CFAP77: variants seen among roughly 807,000 people sequenced by gnomAD.
CFAP77 encodes cilia- and flagella-associated protein 77.
A neutral mutation model predicts 31.1 loss-of-function variants in CFAP77; 25 were observed. That is an observed-to-expected ratio of 0.80 (90% CI 0.59 to 1.12). CFAP77 has a LOEUF of 1.12. Ranked by LOEUF, CFAP77 falls within the 50% of genes most tolerant of loss-of-function variation. CFAP77 has a pLI of 0.00. For synonymous variants in CFAP77, 151 were observed against 159.9 expected (o/e 0.94, Z 0.42); for missense variants, 377 against 397.3 (o/e 0.95, Z 0.44).
At chr9:132,422,432 C>A (rs1459432128) in intron 1 of CFAP77, among the ~76,000 whole-genome samples, 3 of 152,214 alleles carry the variant, frequency 2.0e-5, no homozygotes, top group African/African-American at 7.2e-5. Flanking sequence ...CTGGAAGATA[C>A]CACGGATGCT....
chr9:132,423,620 C>T (rs557258590), intron 1 of CFAP77, among the ~76,000 whole-genome samples: 1 of 152,348 alleles, frequency 6.6e-6, no homozygotes, highest in East Asian at 1.9e-4. Context: ...CATCCCAAAG[C>T]CTGAGGTCGT....
intron 1 of CFAP77, among the ~76,000 whole-genome samples, chr9:132,422,609 G>C (rs1850237546): frequency 6.6e-6 from 1 of 152,192 alleles, no homozygotes; most frequent in Non-Finnish European, 1.5e-5. Flanking sequence ...TGGAGCTTTG[G>C]GGAAAGAGGG....
chr9:132,446,371 C>A lies in CFAP77; in HGVS notation c.195+35905C>A, dbSNP rs559866941. On this transcript the variant is annotated intron_variant, in intron 1 of 5. Transcript: ENST00000393216. Reference sequence around the variant, plus strand: ...TGGTTTCTGTTTTCACCGAGAACACCAGCTCGAATGAAGCCCCGATAGATC... The same window carrying A: ...TGGTTTCTGTTTTCACCGAGAACACAAGCTCGAATGAAGCCCCGATAGATC... 1.6e-4 allele frequency among the ~76,000 whole-genome samples: 25 copies of A among 152,044 alleles called. 1 individual carries two copies. In the South Asian group the frequency reaches 4.8e-3, roughly 29 times the overall value.
intron 1 of CFAP77, among the ~76,000 whole-genome samples, chr9:132,431,856 G>A (rs143735565): frequency 1.6e-3 from 244 of 152,282 alleles, no homozygotes; most frequent in Non-Finnish European, 2.9e-3. Context: ...CACCAACCTA[G>A]TACATCTCAG....
At chr9:132,571,092 T>G (rs1460626240) in intron 5 of CFAP77, among the ~76,000 whole-genome samples, 1 of 152,110 alleles carries the variant, frequency 6.6e-6, no homozygotes, top group Admixed American at 6.5e-5. Context: ...CACCCTAACC[T>G]GCAGCGCCGT....
chr9:132,452,055 G>A (rs57456742), intron 1 of CFAP77, among the ~76,000 whole-genome samples: 2,655 of 152,114 alleles, frequency 0.017, 77 homozygotes, highest in African/African-American at 0.06. Context: ...TGCCTGTCTC[G>A]GTCTCCCAAA....
At chr9:132,540,880 T>A (rs1852628880) in intron 4 of CFAP77, among the ~76,000 whole-genome samples, 1 of 152,170 alleles carries the variant, frequency 6.6e-6, no homozygotes, top group Non-Finnish European at 1.5e-5. Context: ...CCTTTTTCAG[T>A]ATGCCAAGGG....
At chr9:132,493,878 C>T (rs557740013) in intron 1 of CFAP77, among the ~76,000 whole-genome samples, 74 of 149,910 alleles carry the variant, frequency 4.9e-4, no homozygotes, top group Non-Finnish European at 8.8e-4. Flanking sequence ...TCTTTTCTTT[C>T]CTTTTCTTTT....
At chr9:132,525,617 CATGTGTGT>C (rs889847522) in intron 3 of CFAP77, among the ~76,000 whole-genome samples, 1 of 152,112 alleles carries the variant, frequency 6.6e-6, no homozygotes, top group Non-Finnish European at 1.5e-5. Context: ...TGCATGTGGG[CATGTGTGT>C]ATGTGTGTGT....
chr9:132,427,070 T>C (rs1225458036), intron 1 of CFAP77, among the ~76,000 whole-genome samples: 2 of 152,198 alleles, frequency 1.3e-5, no homozygotes, highest in African/African-American at 4.8e-5. Context: ...AATTTATCCA[T>C]ATAAGAAGCC....
Position 132,480,153 on chromosome 9 carries a change from G to A in CFAP77, c.196-18542G>A, listed in dbSNP as rs1359961706. On this transcript the variant is annotated intron_variant, in intron 1 of 5. Transcript: ENST00000393216. The surrounding 1 kb of genome is among the most constrained non-coding windows in gnomAD (Gnocchi z 5.8). ...AAGAGGAGAGGGGGCCTCCTCGGCT[G>A]CTCTCCTGGACCGCCCTCCCCAGGA... Among the ~76,000 whole-genome samples, 2 of 152,128 alleles carry A rather than the reference G, an allele frequency of 1.3e-5. No individual in the cohort carries two copies. The highest frequency in any genetic ancestry group is 2.9e-5 in the Non-Finnish European group (2 of 68,006).
chr9:132,441,842 A>C (rs1850620299), intron 1 of CFAP77, among the ~76,000 whole-genome samples: 1 of 152,214 alleles, frequency 6.6e-6, no homozygotes, highest in Non-Finnish European at 1.5e-5. Context: ...TGCAGCGTCC[A>C]CAGCCCTGGG....
rs750312944 is a variant in CFAP77 at position 132,501,402 on chromosome 9, C to CTT, written c.524+1816_524+1817dup. Among the ~76,000 whole-genome samples, 24 of 141,988 alleles carry CTT rather than the reference C, an allele frequency of 1.7e-4. No individual in the cohort carries two copies. The highest frequency in any genetic ancestry group is 3.6e-3 in the Middle Eastern group (1 of 278). The allele number at this position is 141,988 out of a possible 152,430, so 93.1% of individuals were successfully genotyped here. ...CCAGCTCAGGTTACATGACTATCTT[C>CTT]TTTTTTTTTTTTTTTGGACAGTGTC... On this transcript the variant is annotated intron_variant, in intron 3 of 5. Coordinates refer to ENST00000393216, the MANE Select transcript of CFAP77 (RefSeq NM_001282957.2). This position sits in a 1 kb window ranked among gnomAD's most constrained non-coding sequence, Gnocchi z 4.6.
chr9:132,565,099 G>A lies in CFAP77; in HGVS notation c.733-7289G>A, dbSNP rs148202716. Among the ~76,000 whole-genome samples the A allele has an allele frequency of 3.8e-3, 571 of 151,686 alleles. 5 individuals carry two copies. Among genetic ancestry groups the A allele is most frequent in the African/African-American group, 0.013 (541 of 41,318 alleles). ...GAGGAAAAGGATGTTATCCCAGGAG[G>A]GAACTATGATTCCTAGGCAGATGGA... On this transcript the variant is annotated intron_variant, in intron 5 of 5. Transcript: ENST00000393216. The surrounding 1 kb of genome is among the most constrained non-coding windows in gnomAD (Gnocchi z 4.1).
chr9:132,494,634 A>G (rs1483273073), intron 1 of CFAP77, among the ~76,000 whole-genome samples: 2 of 151,674 alleles, frequency 1.3e-5, no homozygotes, highest in Non-Finnish European at 2.9e-5. Context: ...ACAGGCATAT[A>G]TTTAGCTTCA....
chr9:132,560,593 A>G (rs562508867), intron 5 of CFAP77, among the ~76,000 whole-genome samples: 16 of 152,326 alleles, frequency 1.1e-4, no homozygotes, highest in African/African-American at 3.1e-4. Context: ...CAAAGGCACA[A>G]ATGCCTAGCT....
At chr9:132,447,946 T>G (rs2131709546) in intron 1 of CFAP77, among the ~76,000 whole-genome samples, 1 of 152,280 alleles carries the variant, frequency 6.6e-6, no homozygotes, top group African/African-American at 2.4e-5. Context: ...GCCGCTGTAT[T>G]ATGCAGTTAG....
intron 3 of CFAP77, among the ~76,000 whole-genome samples, chr9:132,515,748 G>A (rs995419034): frequency 6.6e-6 from 1 of 152,160 alleles, no homozygotes; most frequent in African/African-American, 2.4e-5. Context: ...CTTGAAGCCT[G>A]AAGACTCGAG....
At chr9:132,496,934 C>T (rs1851752574) in intron 1 of CFAP77, among the ~76,000 whole-genome samples, 1 of 152,092 alleles carries the variant, frequency 6.6e-6, no homozygotes. Flanking sequence ...AGTTCTAAGC[C>T]CCAAATGAGC....
Sources: gnomAD v4.1 joint callset for allele counts (sites outside exome capture counted in the v4.1 genomes callset) on GRCh38, gnomAD v4.1.1 for gene constraint, Gnocchi (gnomAD v3.1) non-coding constraint, MANE v1.5 for transcripts, NCBI Gene and HGNC (gene_info 2026-07-23, HGNC 2026-07-21) for gene names.